OPA3: variants seen among roughly 807,000 people sequenced by gnomAD.
The protein encoded by OPA3 is outer mitochondrial membrane lipid metabolism regulator OPA3.
In OPA3, 6 loss-of-function variants were observed where a neutral mutation model predicts 4.0. The ratio of observed to expected loss-of-function variants is 1.51; its 90% CI spans 0.83 to 2.99. OPA3 has a LOEUF of 2.99. Ranked by LOEUF, OPA3 falls within the 30% of genes most tolerant of loss-of-function variation. OPA3 has a pLI of 0.00. For synonymous variants in OPA3, 105 were observed against 117.1 expected (o/e 0.90, Z 0.67); for missense variants, 235 against 256.2 (o/e 0.92, Z 0.56).
intron 1 of OPA3, among the ~76,000 whole-genome samples, chr19:45,573,039 C>T (rs1969711905): frequency 6.6e-6 from 1 of 151,756 alleles, no homozygotes; most frequent in Admixed American, 6.6e-5. Flanking sequence ...GCCCCAAGCC[C>T]ACATGAGGGA....
chr19:45,536,368 AC>A (rs1421462196), intron 1 of OPA3, among the ~76,000 whole-genome samples: 4 of 151,886 alleles, frequency 2.6e-5, no homozygotes, highest in Non-Finnish European at 2.9e-5. Flanking sequence ...ACATGGCAAA[AC>A]CCCGTCTCTA....
Position 45,546,346 on chromosome 19 carries a change from T to A in OPA3, c.*7168A>T, listed in dbSNP as rs1367153259. 1.5e-6 allele frequency: 1 copy of A among 675,674 alleles called. No individual in the cohort carries two copies. Among genetic ancestry groups the A allele is most frequent in the Non-Finnish European group, 1.8e-6 (1 of 547,894 alleles). 41.9% of individuals were successfully genotyped at this position (675,674 alleles called of 1,614,324 possible). A position where few individuals can be genotyped will look rare whatever the true frequency, so the allele number is the denominator to read the frequency against. ...TGTACATAAGCACATACACTACATA[T>A]AATAGATGATGTTATGTTACACATG... On this transcript the variant is annotated 3_prime_UTR_variant, in exon 2 of 2. Coordinates refer to ENST00000263275, the MANE Select transcript of OPA3 (RefSeq NM_025136.4).
chr19:45,533,516 A>G (rs2122377959), intron 1 of OPA3, among the ~76,000 whole-genome samples: 1 of 152,314 alleles, frequency 6.6e-6, no homozygotes, highest in African/African-American at 2.4e-5. Context: ...TTTTTAAATA[A>G]TCAGGAGACA....
In OPA3 at chr19:45,553,724, G is replaced by C; in HGVS notation, c.330C>G (p.His110Gln). Residue 110 changes from histidine (H) to glutamine (Q), a missense_variant, in exon 2 of 2, where the codon CAC (histidine) becomes CAG (glutamine). Coordinates refer to ENST00000263275, the MANE Select transcript of OPA3 (RefSeq NM_025136.4). ...AGGCAGCACGCTGCTCCTCCTCCTT[G>C]TGGCGCTGCTGCGCCTGGTGGCGCC... ...EYWRHQAQQR[H>Q]KEEEQRAAWN... The C allele has an allele frequency of 6.2e-7, 1 of 1,610,118 alleles. No homozygotes were observed. Among genetic ancestry groups the C allele is most frequent in the Non-Finnish European group, 8.5e-7 (1 of 1,179,504 alleles).
At chr19:45,573,419 C>T (rs1317177354) in intron 1 of OPA3, among the ~76,000 whole-genome samples, 3 of 151,902 alleles carry the variant, frequency 2.0e-5, no homozygotes, top group Non-Finnish European at 2.9e-5. Context: ...CCACTGCACT[C>T]CGGCCTGGGC....
chr19:45,536,997 A>C (rs1427856042), intron 1 of OPA3, among the ~76,000 whole-genome samples: 1 of 152,132 alleles, frequency 6.6e-6, no homozygotes, highest in African/African-American at 2.4e-5. Context: ...TGGAAGGCCA[A>C]GGTGGGAGGA....
intron 1 of OPA3, among the ~76,000 whole-genome samples, chr19:45,556,007 G>A (rs1405934509): frequency 6.6e-6 from 1 of 152,114 alleles, no homozygotes; most frequent in Non-Finnish European, 1.5e-5. Context: ...TAAATATGAA[G>A]GGAAGGATGC....
intron 1 of OPA3, among the ~76,000 whole-genome samples, chr19:45,572,880 G>A (rs1257552228): frequency 6.7e-6 from 1 of 148,704 alleles, no homozygotes; most frequent in East Asian, 2.0e-4. Context: ...TGTATGTGCT[G>A]GAACTCTATC....
At chr19:45,545,193 A>G (rs955525291), downstream of OPA3, among the ~76,000 whole-genome samples, 7 of 147,814 alleles carry the variant, frequency 4.7e-5, no homozygotes, top group Non-Finnish European at 9.0e-5. Context: ...AAAACAAAAA[A>G]TAGGAAATCA....
rs528812143 is a variant in OPA3 at position 45,546,612 on chromosome 19, C to T, written c.*6902G>A. ...CCGGGTTCAAGCGATCCTCCTGCCT[C>T]AGCCCCCCAAGTAGCTGGGACTACA... is the stretch of plus-strand genomic sequence containing the variant. On this transcript the variant is annotated 3_prime_UTR_variant, in exon 2 of 2. Coordinates refer to ENST00000263275, the MANE Select transcript of OPA3 (RefSeq NM_025136.4). 3.6e-4 allele frequency: 58 copies of T among 161,006 alleles called. No homozygotes were observed. The highest frequency in any genetic ancestry group is 3.3e-4 in the Non-Finnish European group (25 of 76,190). The allele number at this position is 161,006 out of a possible 1,614,324, so 10.0% of individuals were successfully genotyped here.
exon 2 of OPA3, chr19:45,528,994 C>T: frequency 1.9e-6 from 3 of 1,547,680 alleles, no homozygotes; most frequent in Non-Finnish European, 2.6e-6. Flanking sequence ...GGAGAATAGG[C>T]CAAGACAGAG....
At chr19:45,580,153 C>CACCT (rs1969828738) in intron 1 of OPA3, among the ~76,000 whole-genome samples, 1 of 150,432 alleles carries the variant, frequency 6.6e-6, no homozygotes, top group Non-Finnish European at 1.5e-5. Flanking sequence ...CGTGCCACCA[C>CACCT]GCCCAGCTAA....
intron 1 of OPA3, among the ~76,000 whole-genome samples, chr19:45,560,364 T>A (rs1019046240): frequency 1.6e-4 from 24 of 152,174 alleles, no homozygotes; most frequent in Non-Finnish European, 3.4e-4. Context: ...AGGCAGGACC[T>A]GAGGCTAACT....
intron 1 of OPA3, among the ~76,000 whole-genome samples, chr19:45,565,531 G>C (rs113290866): frequency 0.015 from 2,223 of 152,200 alleles, 52 homozygotes; most frequent in African/African-American, 0.052. Flanking sequence ...CCGGGAGGCT[G>C]ATGCAGGAGA....
Position 45,548,648 on chromosome 19 carries a change from TTTTA to T in OPA3, c.*4862_*4865del, listed in dbSNP as rs886054515. On this transcript the variant is annotated 3_prime_UTR_variant, in exon 2 of 2. Transcript: ENST00000263275. ...AGTGGGTAACTCAGTGAGTTTTGTG[TTTTA>T]TTTTTTTTATTTTTTTTTTTTTTGC... 14 of 912,452 alleles carry T rather than the reference TTTTA, an allele frequency of 1.5e-5. No individual in the cohort carries two copies. The highest frequency in any genetic ancestry group is 1.7e-5 in the Non-Finnish European group (14 of 804,294). 56.5% of individuals were successfully genotyped at this position (912,452 alleles called of 1,614,324 possible). A position where few individuals can be genotyped will look rare whatever the true frequency, so the allele number is the denominator to read the frequency against.
In OPA3 at chr19:45,548,266, T is replaced by C. The variant is rs777979909; in HGVS notation, c.*5248A>G. 7.1e-6 allele frequency: 7 copies of C among 985,426 alleles called. No individual in the cohort carries two copies. Among genetic ancestry groups the C allele is most frequent in the African/African-American group, 1.7e-5 (1 of 57,250 alleles). 61.0% of individuals were successfully genotyped at this position (985,426 alleles called of 1,614,324 possible). ...AGCCAATAGATCAGGTTGGGGCTTA[T>C]GTAAAGCCCATTTTCTCCTGGGGTG... On this transcript the variant is annotated 3_prime_UTR_variant, in exon 2 of 2. Transcript: ENST00000263275.
In OPA3 at chr19:45,584,486, A is replaced by G. The variant is rs532811942; in HGVS notation, c.142+137T>C. On this transcript the variant is annotated intron_variant, in intron 1 of 1. Transcript: ENST00000263275. ...GGCCACCCGTACGCCCCTCTATCAG[A>G]AACCCCCCACTATTGGCCACTGGAC... The G allele has an allele frequency of 9.6e-6, 15 of 1,557,932 alleles. No homozygotes were observed. The African/African-American group carries it at 1.8e-4, about 18-fold the overall frequency.
At chr19:45,563,199 G>A (rs1444258764) in intron 1 of OPA3, among the ~76,000 whole-genome samples, 4 of 152,068 alleles carry the variant, frequency 2.6e-5, no homozygotes, top group South Asian at 2.1e-4. Flanking sequence ...TCACTGTGTC[G>A]CCCAGGCTGG....
intron 1 of OPA3, among the ~76,000 whole-genome samples, chr19:45,579,606 T>G (rs1969817120): frequency 6.6e-6 from 1 of 152,190 alleles, no homozygotes. Flanking sequence ...TCCTGCCTGT[T>G]GTATCTATAA....
Sources: allele counts gnomAD v4.1 joint callset (sites outside exome capture counted in the v4.1 genomes callset), GRCh38; gene constraint gnomAD v4.1.1; transcripts MANE v1.5; gene names NCBI Gene and HGNC (gene_info 2026-07-23, HGNC 2026-07-21).